The following SFTPA1 variants were observed in gnomAD, a reference collection of about 807,000 sequenced individuals.
SFTPA1 encodes the protein surfactant protein A1.
In SFTPA1, 13 loss-of-function variants were observed where a neutral mutation model predicts 19.1. That is an observed-to-expected ratio of 0.68 (90% CI 0.44 to 1.08). The LOEUF (loss-of-function observed/expected upper bound fraction) is 1.08. SFTPA1 is among the 50% of genes least tolerant of loss of function. SFTPA1 has a pLI of 0.00. For synonymous variants in SFTPA1, 101 were observed against 117.0 expected, an observed-to-expected ratio of 0.86 and a Z score of 0.88; for missense variants, 259 against 316.4, an observed-to-expected ratio of 0.82 and a Z score of 1.38.
chr10:79,612,847 A>C (rs2132131555), intron 4 of SFTPA1, among the ~76,000 whole-genome samples: 1 of 152,250 alleles, frequency 6.6e-6, no homozygotes, highest in Non-Finnish European at 1.5e-5. Context: ...AAGCAAGTCC[A>C]TCAGGGCAGT....
intron 5 of SFTPA1, among the ~76,000 whole-genome samples, 163 bp from the exon 6 acceptor site, chr10:79,613,572 GTC>G (rs1859993578): frequency 6.6e-6 from 1 of 152,216 alleles, no homozygotes; most frequent in Non-Finnish European, 1.5e-5. Flanking sequence ...ATGGAGGAGA[GTC>G]TAAAAGTGAA....
Position 79,614,953 on chromosome 10 carries a change from T to G in SFTPA1, c.*840T>G. 1 of 1,289,268 alleles carries G rather than the reference T, an allele frequency of 7.8e-7. No individual in the cohort carries two copies. The highest frequency in any genetic ancestry group is 1.0e-6 in the Non-Finnish European group (1 of 976,822). 79.9% of individuals were successfully genotyped at this position (1,289,268 alleles called of 1,614,324 possible). A position where few individuals can be genotyped will look rare whatever the true frequency, so the allele number is the denominator to read the frequency against. On this transcript the variant is annotated 3_prime_UTR_variant, in exon 6 of 6. Transcript: ENST00000398636. ...TTCATTAATCCATTCACCCAGATAT[T>G]TCATTAAAATTATCACGTGCCAGGT...
At chr10:79,612,209 G>A in intron 3 of SFTPA1, 103 bp from the exon 4 acceptor site, 4 of 1,609,034 alleles carry the variant, frequency 2.5e-6, no homozygotes, top group Non-Finnish European at 8.5e-7. Flanking sequence ...GAGTGATAGA[G>A]TGATAGCTGA....
In SFTPA1 at chr10:79,615,321, G is replaced by C; in HGVS notation, c.*1208G>C. The C allele has an allele frequency of 3.5e-6, 1 of 284,894 alleles. No homozygotes were observed. The highest frequency in any genetic ancestry group is 4.1e-5 in the South Asian group (1 of 24,302). The allele number at this position is 284,894 out of a possible 1,614,324, so 17.6% of individuals were successfully genotyped here. On this transcript the variant is annotated 3_prime_UTR_variant, in exon 6 of 6. Transcript: ENST00000398636. The stretch of plus-strand genomic sequence containing the variant: ...TAAATGTTTTGAGTATTATTCCAGA[G>C]AGCAAGTGGCAGAGGCTGGATCCAA...
chr10:79,613,462 C>T (rs1251402434), intron 5 of SFTPA1, among the ~76,000 whole-genome samples, 196 bp downstream of exon 5: 2 of 152,212 alleles, frequency 1.3e-5, no homozygotes, highest in Non-Finnish European at 2.9e-5. Flanking sequence ...CTCCCCATTT[C>T]ATAGGAAAGC....
intron 4 of SFTPA1, 84 bp from the exon 5 acceptor site, chr10:79,613,105 T>C (rs192690224): frequency 1.4e-4 from 230 of 1,611,314 alleles, no homozygotes; most frequent in Admixed American, 2.2e-4. Context: ...AGTTCCAGGA[T>C]TGCAGATGGC....
In SFTPA1 at chr10:79,612,357, A is replaced by G. The variant is rs546714478; in HGVS notation, c.218A>G (p.Asp73Gly). 3.7e-6 allele frequency: 6 copies of G among 1,613,798 alleles called. No individual in the cohort carries two copies. Among genetic ancestry groups the G allele is most frequent in the East Asian group, 2.2e-5 (1 of 44,848 alleles). ...GAAATGCCATGTCCTCCTGGAAATG[A>G]TGGGCTGCCTGGAGCCCCTGGTATC... ...PGEMPCPPGN[D>G]GLPGAPGIPG... The change falls in exon 4 of 6, where the codon GAT (aspartate) becomes GGT (glycine). Residue 73 changes from aspartate to glycine, a missense_variant. Physicochemically the swap from Asp to Gly is moderately conservative, Grantham distance 94. Coordinates refer to ENST00000398636, the MANE Select transcript of SFTPA1 (RefSeq NM_005411.5).
rs574311614 is a variant in SFTPA1 at position 79,615,306 on chromosome 10, G to A, written c.*1193G>A. On this transcript the variant is annotated 3_prime_UTR_variant, in exon 6 of 6. Transcript: ENST00000398636. The stretch of plus-strand genomic sequence containing the variant: ...GAAGCTTGGAGGAGTTAAATGTTTT[G>A]AGTATTATTCCAGAGAGCAAGTGGC... 6 of 313,650 alleles carry A rather than the reference G, an allele frequency of 1.9e-5. No individual in the cohort carries two copies. The highest frequency in any genetic ancestry group is 3.8e-5 in the Non-Finnish European group (6 of 158,328). 19.4% of individuals were successfully genotyped at this position (313,650 alleles called of 1,614,324 possible).
rs189599674 is a variant in SFTPA1, at chr10:79,614,975, A to C, written c.*862A>C. 12 of 1,302,426 alleles carry C rather than the reference A, an allele frequency of 9.2e-6. No homozygotes were observed. Among genetic ancestry groups the C allele is most frequent in the African/African-American group, 7.6e-5 (5 of 65,872 alleles). The allele number at this position is 1,302,426 out of a possible 1,614,324, so 80.7% of individuals were successfully genotyped here. On this transcript the variant is annotated 3_prime_UTR_variant, in exon 6 of 6. Coordinates refer to ENST00000398636, the MANE Select transcript of SFTPA1 (RefSeq NM_005411.5). ...TATTTCATTAAAATTATCACGTGCC[A>C]GGTCTTAGGATATGTCGTGGGGTGG...
At chr10:79,612,116 G>T in intron 3 of SFTPA1, 119 bp downstream of exon 3, 3 of 1,583,800 alleles carry the variant, frequency 1.9e-6, no homozygotes. Flanking sequence ...TAAGCTGGGT[G>T]GGACTTCAGT....
chr10:79,613,850 A>T lies in SFTPA1; in HGVS notation c.484A>T (p.Ile162Phe). 20 of 1,613,918 alleles carry T rather than the reference A, an allele frequency of 1.2e-5. No homozygotes were observed. The highest frequency in any genetic ancestry group is 1.7e-5 in the Non-Finnish European group (20 of 1,179,800). The change falls in exon 6 of 6, where the codon ATT becomes TTT. Residue 162 changes from isoleucine to phenylalanine, a missense_variant. Ile to Phe is a conservative substitution (Grantham distance 21, BLOSUM62 0). Transcript: ENST00000398636. ...GGCATGTGCCAGAGCAGGCGGCCGC[A>T]TTGCTGTCCCAAGGAATCCAGAGGA... Reference protein sequence around the residue: ...QEACARAGGRIAVPRNPEENE... With the variant: ...QEACARAGGRFAVPRNPEENE...
At position 79,614,888 on chromosome 10, in the gene SFTPA1, A is replaced by G; in HGVS notation, c.*775A>G. On this transcript the variant is annotated 3_prime_UTR_variant, in exon 6 of 6. Coordinates refer to ENST00000398636, the MANE Select transcript of SFTPA1 (RefSeq NM_005411.5). The stretch of plus-strand genomic sequence containing the variant: ...CACCCTACTTCAGATTTCAGTGGGC[A>G]TTCACACCACCCCCCACACCACTGG... 1 of 883,334 alleles carries G rather than the reference A, an allele frequency of 1.1e-6. No individual in the cohort carries two copies. The highest frequency in any genetic ancestry group is 1.6e-6 in the Non-Finnish European group (1 of 633,690). The allele number at this position is 883,334 out of a possible 1,614,324, so 54.7% of individuals were successfully genotyped here.
chr10:79,615,226 T>A lies in SFTPA1; in HGVS notation c.*1113T>A, dbSNP rs1341082415. The A allele has an allele frequency of 2.0e-6, 1 of 506,402 alleles. No homozygotes were observed. The highest frequency in any genetic ancestry group is 3.2e-6 in the Non-Finnish European group (1 of 311,916). 31.4% of individuals were successfully genotyped at this position (506,402 alleles called of 1,614,324 possible). ...ATACAGCATATTATGTACTATTCAA[T>A]CTTTACACAATGTCACGGGACCAGT... On this transcript the variant is annotated 3_prime_UTR_variant, in exon 6 of 6. Coordinates refer to ENST00000398636, the MANE Select transcript of SFTPA1 (RefSeq NM_005411.5).
intron 2 of SFTPA1, 57 bp downstream of exon 2, chr10:79,611,446 G>C (rs920090694): frequency 2.5e-5 from 23 of 906,236 alleles, no homozygotes; most frequent in Non-Finnish European, 3.3e-5. Context: ...GCAGAGCACG[G>C]AAGATTCAGC....
intron 1 of SFTPA1, among the ~76,000 whole-genome samples, 162 bp downstream of exon 1, chr10:79,611,144 C>T (rs763223593): frequency 6.6e-6 from 1 of 152,176 alleles, no homozygotes; most frequent in East Asian, 1.9e-4. Context: ...CATAGGTGAC[C>T]TGCAAAGATC....
chr10:79,614,122 T>C lies in SFTPA1; in HGVS notation c.*9T>C, dbSNP rs765729959. 3.1e-6 allele frequency: 5 copies of C among 1,614,252 alleles called. No homozygotes were observed. The South Asian group carries it at 4.4e-5, about 14-fold the overall frequency. On this transcript the variant is annotated 3_prime_UTR_variant, in exon 6 of 6. Transcript: ENST00000398636. ...CCATCTGTGAGTTCTGAGAGGCATT[T>C]AGGCCATGGGACAGGGAGGACGCTC...
rs764745519 is a variant in SFTPA1 at position 79,613,221 on chromosome 10, G to C, written c.325G>C (p.Ala109Pro). 11 of 1,614,066 alleles carry C rather than the reference G, an allele frequency of 6.8e-6. No homozygotes were observed. Among genetic ancestry groups the C allele is most frequent in the African/African-American group, 1.3e-5 (1 of 75,008 alleles). ...LPAHLDEELQ[A>P]TLHDFRHQIL... ...AGCTCATCTAGATGAGGAGCTCCAA[G>C]CCACACTCCACGACTTTAGACATCA... The change falls in exon 5 of 6, where the codon GCC (alanine) becomes CCC (proline). Residue 109 changes from alanine to proline, a missense_variant. Ala to Pro is a conservative substitution (Grantham distance 27). Transcript: ENST00000398636.
rs1031413775 is a variant in SFTPA1, at chr10:79,614,412, T to C, written c.*299T>C. On this transcript the variant is annotated 3_prime_UTR_variant, in exon 6 of 6. Coordinates refer to ENST00000398636, the MANE Select transcript of SFTPA1 (RefSeq NM_005411.5). ...CCTCCTTATTCCCCATCTGGTCCAG[T>C]TCCTTCACTTACAGATGGCAGCAGT... is the stretch of plus-strand genomic sequence containing the variant. 8.4e-6 allele frequency: 4 copies of C among 475,082 alleles called. No individual in the cohort carries two copies. Among genetic ancestry groups the C allele is most frequent in the Non-Finnish European group, 1.5e-5 (4 of 260,428 alleles). 29.4% of individuals were successfully genotyped at this position (475,082 alleles called of 1,614,324 possible).
At position 79,613,182 on chromosome 10, in the gene SFTPA1, T is replaced by C; in HGVS notation, c.293-7T>C. The C allele has an allele frequency of 1.2e-6, 2 of 1,613,722 alleles. No homozygotes were observed. Among genetic ancestry groups the C allele is most frequent in the African/African-American group, 1.3e-5 (1 of 74,904 alleles). ...GCCCCTCCTTCTGTGTGGGGCACTC[T>C]CCACAGGGCTTCCAGCTCATCTAGA... On this transcript the variant is annotated splice_region_variant and splice_polypyrimidine_tract_variant and intron_variant, in intron 4 of 5. Transcript: ENST00000398636.
Sources: allele counts gnomAD v4.1 joint callset (sites outside exome capture counted in the v4.1 genomes callset), GRCh38; gene constraint gnomAD v4.1.1; transcripts MANE v1.5; gene names NCBI Gene and HGNC (gene_info 2026-07-23, HGNC 2026-07-21).